NRXN3: variants seen among roughly 807,000 people sequenced by gnomAD.
NRXN3 encodes neurexin III.
In NRXN3, 32 loss-of-function variants were observed where a neutral mutation model predicts 137.6. The observed-to-expected ratio is 0.23, with a 90% CI of 0.18 to 0.31. NRXN3 has a LOEUF of 0.31. Among genes scored for constraint, NRXN3 ranks in the 10% least tolerant of loss-of-function variants. The pLI, the probability that NRXN3 is intolerant of heterozygous loss-of-function variation, is 1.00. For synonymous variants in NRXN3, 798 were observed against 784.5 expected (o/e 1.02, Z -0.29); for missense variants, 1,574 against 2,062.5 (o/e 0.76, Z 4.59).
chr14:79,123,504 C>T (rs2055854624), intron 15 of NRXN3, among the ~76,000 whole-genome samples: 1 of 152,108 alleles, frequency 6.6e-6, no homozygotes, highest in South Asian at 2.1e-4. Context: ...GTGTAGGTTT[C>T]AATTAAATTC....
chr14:79,544,523 A>T (rs991959592), intron 16 of NRXN3, among the ~76,000 whole-genome samples: 1 of 152,184 alleles, frequency 6.6e-6, no homozygotes, highest in African/African-American at 2.4e-5. Flanking sequence ...CTGTTGGATG[A>T]GATTGGACAT....
intron 10 of NRXN3, among the ~76,000 whole-genome samples, chr14:78,864,967 A>G (rs1226084978): frequency 6.6e-6 from 1 of 152,214 alleles, no homozygotes; most frequent in Non-Finnish European, 1.5e-5. Context: ...GGTCTGCTTC[A>G]GGGGAGAAGA....
At chr14:79,676,546 T>C (rs1438362174) in intron 17 of NRXN3, among the ~76,000 whole-genome samples, 1 of 151,834 alleles carries the variant, frequency 6.6e-6, no homozygotes, top group Non-Finnish European at 1.5e-5. Flanking sequence ...TTATTATATA[T>C]TGATAATTTG....
chr14:78,828,555 T>A (rs992758478), intron 10 of NRXN3, among the ~76,000 whole-genome samples: 1 of 152,202 alleles, frequency 6.6e-6, no homozygotes, highest in Non-Finnish European at 1.5e-5. Flanking sequence ...TGAGTTCCAA[T>A]ACAACTTTAT....
chr14:79,005,486 G>C (rs2099550492), intron 15 of NRXN3, among the ~76,000 whole-genome samples: 1 of 152,130 alleles, frequency 6.6e-6, no homozygotes, highest in African/African-American at 2.4e-5. Context: ...TCTGATGAGA[G>C]TCTTTCTTCA....
intron 17 of NRXN3, among the ~76,000 whole-genome samples, chr14:79,683,461 A>G (rs2098680494): frequency 6.6e-6 from 1 of 152,200 alleles, no homozygotes; most frequent in Admixed American, 6.5e-5. Context: ...CTAAAGCAGT[A>G]TACTGTAATG....
chr14:78,307,383 T>G lies in NRXN3; in HGVS notation c.757+9523T>G, dbSNP rs533769303. Among the ~76,000 whole-genome samples the G allele has an allele frequency of 5.3e-5, 8 of 152,224 alleles. No homozygotes were observed. The East Asian group carries it at 9.6e-4, about 18-fold the overall frequency. ...TAATAAATACATGTATTTTCCCCAC[T>G]CAATCCAAAATTGTGTTTATCCATG... On this transcript the variant is annotated intron_variant, in intron 4 of 20. Coordinates refer to ENST00000335750, the MANE Select transcript of NRXN3 (RefSeq NM_001330195.2).
intron 15 of NRXN3, among the ~76,000 whole-genome samples, chr14:79,375,779 C>G (rs1218108766): frequency 6.6e-6 from 1 of 151,798 alleles, no homozygotes; most frequent in Non-Finnish European, 1.5e-5. Flanking sequence ...GTTTGTATGC[C>G]ATTATTTCTC....
chr14:78,398,706 T>C (rs1190612583), intron 4 of NRXN3, among the ~76,000 whole-genome samples: 1 of 152,246 alleles, frequency 6.6e-6, no homozygotes, highest in Non-Finnish European at 1.5e-5. Context: ...CCTGGCTCTC[T>C]ACTAGGACTT....
chr14:79,212,580 T>C (rs1370332643), intron 15 of NRXN3, among the ~76,000 whole-genome samples: 3 of 152,184 alleles, frequency 2.0e-5, no homozygotes, highest in African/African-American at 7.2e-5. Flanking sequence ...ATACCTATAC[T>C]TTATACCTGT....
At chr14:79,169,668 C>T (rs1531634) in intron 15 of NRXN3, among the ~76,000 whole-genome samples, 35,188 of 152,056 alleles carry the variant, frequency 0.23, 4,306 homozygotes, top group Middle Eastern at 0.27. Flanking sequence ...CCTGTATGCC[C>T]ATAATCCACT....
intron 4 of NRXN3, among the ~76,000 whole-genome samples, chr14:78,551,675 A>G (rs1379551769): frequency 1.6e-5 from 1 of 64,168 alleles, no homozygotes; most frequent in East Asian, 4.2e-4. Context: ...CTCCCTCCTC[A>G]CCTCCTCCCC....
chr14:78,463,358 A>C (rs1042877860), intron 4 of NRXN3, among the ~76,000 whole-genome samples: 6 of 101,676 alleles, frequency 5.9e-5, no homozygotes, highest in Non-Finnish European at 1.3e-4. Context: ...TGCAATAAAC[A>C]TATGAGTGCC....
At position 78,317,346 on chromosome 14, in the gene NRXN3, G is replaced by A. The variant is rs1046292323; in HGVS notation, c.757+19486G>A. Among the ~76,000 whole-genome samples, 10 of 152,130 alleles carry A rather than the reference G, an allele frequency of 6.6e-5. No individual in the cohort carries two copies. The South Asian group carries it at 1.2e-3, about 19-fold the overall frequency. On this transcript the variant is annotated intron_variant, in intron 4 of 20. Coordinates refer to ENST00000335750, the MANE Select transcript of NRXN3 (RefSeq NM_001330195.2). The stretch of plus-strand genomic sequence containing the variant: ...GAGTGGCAGGCGAGTGAGCATTATC[G>A]CCTAAGTTCCGCCTCCTGTCAGATC...
At chr14:78,437,347 C>T (rs1598653108) in intron 4 of NRXN3, among the ~76,000 whole-genome samples, 1 of 143,442 alleles carries the variant, frequency 7.0e-6, no homozygotes, top group East Asian at 2.0e-4. Context: ...TTTTCTTTTT[C>T]TTTTTTTTTT....
chr14:78,377,476 A>G (rs1406895214), intron 4 of NRXN3, among the ~76,000 whole-genome samples: 3 of 152,218 alleles, frequency 2.0e-5, no homozygotes, highest in Non-Finnish European at 4.4e-5. Context: ...TCTTCTCAAA[A>G]TTGGTAATAG....
intron 15 of NRXN3, among the ~76,000 whole-genome samples, chr14:79,218,718 T>C (rs1172894845): frequency 6.6e-6 from 1 of 152,166 alleles, no homozygotes; most frequent in Non-Finnish European, 1.5e-5. Flanking sequence ...GATTGGTTTA[T>C]TTGAGAACAA....
intron 15 of NRXN3, among the ~76,000 whole-genome samples, chr14:79,221,484 T>G (rs1664171742): frequency 1.3e-5 from 2 of 152,184 alleles, no homozygotes; most frequent in African/African-American, 4.8e-5. Flanking sequence ...TGGTTTTGAT[T>G]TGCATTTCTC....
At chr14:78,220,750 T>C (rs2063766188) in intron 1 of NRXN3, among the ~76,000 whole-genome samples, 1 of 151,788 alleles carries the variant, frequency 6.6e-6, no homozygotes, top group South Asian at 2.1e-4. Flanking sequence ...GAAAGAGCAC[T>C]GGGGATAAGT....
Sources: gnomAD v4.1 joint callset for allele counts (sites outside exome capture counted in the v4.1 genomes callset) on GRCh38, gnomAD v4.1.1 for gene constraint, MANE v1.5 for transcripts, NCBI Gene and HGNC (gene_info 2026-07-23, HGNC 2026-07-21) for gene names.